RALGAPA1: variants seen among roughly 807,000 people sequenced by gnomAD.
RALGAPA1 encodes ral GTPase-activating protein subunit alpha-1.
A neutral mutation model predicts 269.6 loss-of-function variants in RALGAPA1; 52 were observed. That is an observed-to-expected ratio of 0.19 (90% CI 0.15 to 0.24). The LOEUF (loss-of-function observed/expected upper bound fraction) is 0.24, where lower values mean the gene tolerates loss of function less well. Ranked by LOEUF, RALGAPA1 falls within the 10% of genes least tolerant of loss-of-function variation. The probability of loss-of-function intolerance (pLI) is 1.00; values close to 1 mark genes in which losing one functional copy is unlikely to be tolerated. For missense variants in RALGAPA1, 1,917 were observed against 3,013.9 expected (o/e 0.64, Z 8.52); for synonymous variants, 817 against 1,008.3 (o/e 0.81, Z 3.60).
chr14:35,622,154 C>T (rs1200633354), intron 35 of RALGAPA1, among the ~76,000 whole-genome samples: 2 of 152,132 alleles, frequency 1.3e-5, no homozygotes, highest in African/African-American at 4.8e-5. Context: ...GAAACTGTGG[C>T]ACATATACAC....
At chr14:35,648,132 A>G (rs1475515930) in intron 31 of RALGAPA1, among the ~76,000 whole-genome samples, 1 of 150,562 alleles carries the variant, frequency 6.6e-6, no homozygotes, top group Non-Finnish European at 1.5e-5. Flanking sequence ...AAAAAAAAAA[A>G]CCAACCAAAA....
At chr14:35,564,538 A>C (rs2056542297) in intron 39 of RALGAPA1, 3 of 152,230 alleles carry the variant, frequency 2.0e-5, no homozygotes, top group Non-Finnish European at 4.4e-5. Context: ...TTGAAGAATA[A>C]TCACTGACTT....
At chr14:35,554,679 C>T (rs1269799498) in intron 39 of RALGAPA1, among the ~76,000 whole-genome samples, 1 of 152,076 alleles carries the variant, frequency 6.6e-6, no homozygotes, top group African/African-American at 2.4e-5. Flanking sequence ...GTTTTTATAC[C>T]CGATTCTTGG....
chr14:35,792,819 G>C (rs915750035), intron 1 of RALGAPA1, among the ~76,000 whole-genome samples: 1 of 80,500 alleles, frequency 1.2e-5, no homozygotes, highest in African/African-American at 5.2e-5. Flanking sequence ...GAAAGAAAGA[G>C]AAAGAAAGAA....
rs773137363 is a variant in RALGAPA1, at chr14:35,673,035, G to A, written c.4918-13C>T. On this transcript the variant is annotated splice_polypyrimidine_tract_variant and intron_variant, in intron 24 of 41. Coordinates refer to ENST00000680220, the MANE Select transcript of RALGAPA1 (RefSeq NM_001346249.2). Reference sequence around the variant, plus strand: ...TCAACATGGTTGCCTAAAATTAAAAGATCAGTTTTAATGTTCAAAAAGAAA... The same window carrying A: ...TCAACATGGTTGCCTAAAATTAAAAAATCAGTTTTAATGTTCAAAAAGAAA... 7 of 1,439,218 alleles carry A rather than the reference G, an allele frequency of 4.9e-6. No individual in the cohort carries two copies. In the African/African-American group the frequency reaches 8.9e-5, roughly 18 times the overall value. The allele number at this position is 1,439,218 out of a possible 1,614,324, so 89.2% of individuals were successfully genotyped here.
intron 37 of RALGAPA1, among the ~76,000 whole-genome samples, chr14:35,580,551 A>AAATT (rs2057888609): frequency 3.3e-5 from 5 of 152,322 alleles, no homozygotes; most frequent in Admixed American, 2.0e-4. Context: ...TTTGCTCAAG[A>AAATT]AGTATAGTCT....
intron 16 of RALGAPA1, among the ~76,000 whole-genome samples, chr14:35,718,251 A>G (rs2069024213): frequency 6.6e-6 from 1 of 152,232 alleles, no homozygotes; most frequent in African/African-American, 2.4e-5. Context: ...TTTGTTCACA[A>G]CTATATCCTT....
intron 28 of RALGAPA1, among the ~76,000 whole-genome samples, chr14:35,658,022 C>T (rs1242989670): frequency 1.3e-5 from 2 of 152,138 alleles, no homozygotes; most frequent in Non-Finnish European, 2.9e-5. Context: ...TCCCCCGTCC[C>T]ACCAGCTATG....
chr14:35,695,400 G>A (rs1272128351), intron 17 of RALGAPA1, among the ~76,000 whole-genome samples: 2 of 152,150 alleles, frequency 1.3e-5, no homozygotes, highest in African/African-American at 4.8e-5. Flanking sequence ...TTATTGGGCA[G>A]AATTTAGGAA....
At chr14:35,564,062 T>A (rs991884278) in intron 39 of RALGAPA1, among the ~76,000 whole-genome samples, 41 of 152,346 alleles carry the variant, frequency 2.7e-4, no homozygotes, top group African/African-American at 9.9e-4. Flanking sequence ...ATATCCCAAG[T>A]GTCAATGTAG....
intron 18 of RALGAPA1, among the ~76,000 whole-genome samples, chr14:35,687,086 T>C (rs1027454432): frequency 6.6e-6 from 1 of 152,216 alleles, no homozygotes; most frequent in South Asian, 2.1e-4. Context: ...GGGATACAAA[T>C]GCATTTGAGT....
intron 1 of RALGAPA1, among the ~76,000 whole-genome samples, chr14:35,780,514 ATG>A (rs1264680306): frequency 9.8e-5 from 15 of 152,342 alleles, no homozygotes; most frequent in African/African-American, 2.9e-4. Context: ...AAGACAAAGT[ATG>A]TTATCTGGCC....
intron 1 of RALGAPA1, among the ~76,000 whole-genome samples, chr14:35,794,984 G>A (rs2076457110): frequency 6.6e-6 from 1 of 152,154 alleles, no homozygotes; most frequent in South Asian, 2.1e-4. Context: ...GGACCAAGTT[G>A]CTTGGTATAA....
intron 4 of RALGAPA1, among the ~76,000 whole-genome samples, chr14:35,770,520 A>C (rs2074532353): frequency 6.6e-6 from 1 of 152,202 alleles, no homozygotes; most frequent in Admixed American, 6.5e-5. Flanking sequence ...GAAAATCCAA[A>C]GGAATATACA....
chr14:35,625,545 A>G (rs1408071632), intron 34 of RALGAPA1, 113 bp from the exon 35 acceptor site: 12 of 690,044 alleles, frequency 1.7e-5, no homozygotes, highest in Non-Finnish European at 2.9e-5. Context: ...TTGCCTTTTC[A>G]TACTTCTAAC....
intron 9 of RALGAPA1, among the ~76,000 whole-genome samples, chr14:35,749,076 T>C (rs1256777291): frequency 6.6e-6 from 1 of 152,170 alleles, no homozygotes; most frequent in African/African-American, 2.4e-5. Flanking sequence ...CCACCTATAG[T>C]TATATATTCT....
At chr14:35,690,497 T>C (rs1049143268) in intron 17 of RALGAPA1, among the ~76,000 whole-genome samples, 1 of 152,216 alleles carries the variant, frequency 6.6e-6, no homozygotes, top group African/African-American at 2.4e-5. Context: ...CTCTGTTTGA[T>C]TACATATTAG....
intron 12 of RALGAPA1, among the ~76,000 whole-genome samples, chr14:35,728,809 T>G (rs907912240): frequency 1.3e-5 from 2 of 151,968 alleles, no homozygotes; most frequent in Admixed American, 6.6e-5. Flanking sequence ...TTCGGCTCAC[T>G]GCAACCTCTG....
intron 37 of RALGAPA1, among the ~76,000 whole-genome samples, chr14:35,580,736 A>C (rs979645144): frequency 6.6e-6 from 1 of 152,178 alleles, no homozygotes; most frequent in Admixed American, 6.5e-5. Context: ...CAGAACTAAA[A>C]TTAGTTTCTA....
Sources: allele counts gnomAD v4.1 joint callset (sites outside exome capture counted in the v4.1 genomes callset), GRCh38; gene constraint gnomAD v4.1.1; transcripts MANE v1.5; gene names NCBI Gene and HGNC (gene_info 2026-07-23, HGNC 2026-07-21).